SPPL3: variants seen among roughly 807,000 people sequenced by gnomAD.
SPPL3 encodes the protein signal peptide peptidase-like 3.
Under a neutral mutation model 42.4 loss-of-function variants are expected in SPPL3, and 5 were observed. The observed-to-expected ratio is 0.12, with a 90% CI of 0.06 to 0.25. The LOEUF is 0.25. SPPL3 is among the 10% of genes least tolerant of loss of function. The pLI is 1.00. For synonymous variants in SPPL3, 195 were observed against 181.8 expected, an observed-to-expected ratio of 1.07 and a Z score of -0.58; for missense variants, 235 against 489.0, an observed-to-expected ratio of 0.48 and a Z score of 4.90.
intron 1 of SPPL3, among the ~76,000 whole-genome samples, chr12:120,853,913 A>C (rs544305770): frequency 6.6e-6 from 1 of 151,886 alleles, no homozygotes; most frequent in African/African-American, 2.4e-5. Context: ...GAATAGCAAA[A>C]AACAACAACA....
chr12:120,860,012 G>A (rs11065299), intron 1 of SPPL3, among the ~76,000 whole-genome samples: 7,907 of 152,248 alleles, frequency 0.052, 307 homozygotes, highest in Non-Finnish European at 0.075. Flanking sequence ...AGGCCAAGGC[G>A]CAGGGACTGC....
chr12:120,810,640 G>A (rs920886683), intron 2 of SPPL3, among the ~76,000 whole-genome samples, 169 bp downstream of exon 2: 2 of 152,196 alleles, frequency 1.3e-5, no homozygotes, highest in Non-Finnish European at 2.9e-5. Context: ...ATGAAGAAGT[G>A]TTTAACAGCA....
At chr12:120,852,066 T>C (rs774307557) in intron 1 of SPPL3, among the ~76,000 whole-genome samples, 43 of 143,508 alleles carry the variant, frequency 3.0e-4, no homozygotes, top group Non-Finnish European at 5.9e-4. Context: ...CAGATGTCAT[T>C]GTGTTTCACT....
intron 1 of SPPL3, among the ~76,000 whole-genome samples, chr12:120,887,481 A>C (rs929081161): frequency 6.6e-6 from 1 of 152,166 alleles, no homozygotes; most frequent in Non-Finnish European, 1.5e-5. Context: ...TCCTAGTCCC[A>C]AGCTTACTGA....
At chr12:120,790,254 C>T (rs574653210) in intron 3 of SPPL3, among the ~76,000 whole-genome samples, 5 of 152,290 alleles carry the variant, frequency 3.3e-5, no homozygotes, top group African/African-American at 1.2e-4. Context: ...TTAAATGAGT[C>T]GACTTACCGT....
At chr12:120,820,306 ATT>A (rs11374486) in intron 1 of SPPL3, among the ~76,000 whole-genome samples, 5 of 100,984 alleles carry the variant, frequency 5.0e-5, no homozygotes, top group Non-Finnish European at 5.6e-5. Context: ...CTTTCTCTAA[ATT>A]TTTTTTTTTT....
intron 1 of SPPL3, among the ~76,000 whole-genome samples, chr12:120,831,029 C>T (rs1025143302): frequency 1.6e-4 from 24 of 152,122 alleles, no homozygotes; most frequent in African/African-American, 5.6e-4. Context: ...TCTAATCCAC[C>T]AAGGGCCTGA....
chr12:120,852,841 G>GAAATATATATACATATT (rs1566060976), intron 1 of SPPL3, among the ~76,000 whole-genome samples: 10 of 44,584 alleles, frequency 2.2e-4, no homozygotes, highest in Non-Finnish European at 3.7e-4. Context: ...ATATACATAT[G>GAAATATATATACATATT]ATATATGAAA....
chr12:120,824,797 C>T (rs1278362246), intron 1 of SPPL3, among the ~76,000 whole-genome samples: 1 of 152,216 alleles, frequency 6.6e-6, no homozygotes, highest in Admixed American at 6.5e-5. Context: ...ATTGGCCTCC[C>T]AACTTGCTGG....
intron 1 of SPPL3, among the ~76,000 whole-genome samples, chr12:120,820,835 G>A (rs1339433204): frequency 1.3e-5 from 2 of 149,240 alleles, no homozygotes; most frequent in Non-Finnish European, 3.0e-5. Flanking sequence ...GCTCACGCCT[G>A]TAATCCCAAC....
At chr12:120,778,980 T>TAA (rs35034444) in intron 6 of SPPL3, among the ~76,000 whole-genome samples, 3 of 151,568 alleles carry the variant, frequency 2.0e-5, no homozygotes, top group Admixed American at 1.3e-4. Flanking sequence ...AAATGTCTTC[T>TAA]AAAAAAAAAT....
intron 1 of SPPL3, among the ~76,000 whole-genome samples, chr12:120,821,249 G>A (rs997399707): frequency 6.6e-6 from 1 of 152,234 alleles, no homozygotes; most frequent in African/African-American, 2.4e-5. Context: ...TAAAGGCTTC[G>A]ATGGCAATAT....
chr12:120,860,147 G>A (rs1872582816), intron 1 of SPPL3, among the ~76,000 whole-genome samples: 1 of 152,150 alleles, frequency 6.6e-6, no homozygotes, highest in Non-Finnish European at 1.5e-5. Flanking sequence ...GGGCTGCAGT[G>A]AGCCATGATC....
At chr12:120,771,331 G>A (rs542246352) in intron 6 of SPPL3, among the ~76,000 whole-genome samples, 2 of 152,158 alleles carry the variant, frequency 1.3e-5, no homozygotes, top group South Asian at 2.1e-4. Context: ...CCCCCATGCC[G>A]CCGCTTCGGC....
intron 1 of SPPL3, among the ~76,000 whole-genome samples, chr12:120,853,189 G>A (rs1872320852): frequency 6.6e-6 from 1 of 151,980 alleles, no homozygotes; most frequent in South Asian, 2.1e-4. Context: ...GAGCCACTAC[G>A]CCCGGCCTAA....
chr12:120,845,864 ATC>A (rs1262734891), intron 1 of SPPL3, among the ~76,000 whole-genome samples: 10 of 108,332 alleles, frequency 9.2e-5, no homozygotes, highest in African/African-American at 4.3e-4. Flanking sequence ...TCCATTATCT[ATC>A]TATCTATCTA....
chr12:120,882,565 G>C (rs993474291), intron 1 of SPPL3, among the ~76,000 whole-genome samples: 2 of 152,038 alleles, frequency 1.3e-5, no homozygotes, highest in Non-Finnish European at 2.9e-5. Context: ...AGGAATAAAA[G>C]TGATATAATA....
intron 1 of SPPL3, among the ~76,000 whole-genome samples, chr12:120,867,694 A>G (rs373137129): frequency 1.5e-5 from 2 of 137,728 alleles, no homozygotes; most frequent in Non-Finnish European, 3.3e-5. Context: ...TGGTGCTGAG[A>G]AGAAGTTTAT....
At chr12:120,885,998 G>A (rs1159805587) in intron 1 of SPPL3, among the ~76,000 whole-genome samples, 1 of 151,816 alleles carries the variant, frequency 6.6e-6, no homozygotes, top group African/African-American at 2.4e-5. Context: ...GGGATTACAG[G>A]CATGTGCCAC....
Sources: gnomAD v4.1 joint callset for allele counts (sites outside exome capture counted in the v4.1 genomes callset) on GRCh38, gnomAD v4.1.1 for gene constraint, MANE v1.5 for transcripts, NCBI Gene and HGNC (gene_info 2026-07-23, HGNC 2026-07-21) for gene names.